The following DPP6 variants were observed in gnomAD, a reference collection of about 807,000 sequenced individuals.
The protein encoded by DPP6 is dipeptidyl peptidase like 6.
DPP6 carries 69 observed loss-of-function variants against 122.6 expected under a neutral mutation model. That is an observed-to-expected ratio of 0.56 (90% CI 0.46 to 0.69). DPP6 has a LOEUF of 0.69. Among genes scored for constraint, DPP6 ranks in the 30% least tolerant of loss-of-function variants. DPP6 has a pLI of 0.00. For synonymous variants in DPP6, 418 were observed against 433.1 expected (o/e 0.97, Z 0.43); for missense variants, 928 against 1,116.9 (o/e 0.83, Z 2.41).
the DPP6 span, among the ~76,000 whole-genome samples, chr7:153,776,033 A>C: frequency 6.6e-6 from 1 of 152,154 alleles, no homozygotes; most frequent in Non-Finnish European, 1.5e-5. Flanking sequence ...TCTGAATCAA[A>C]ATCTCAAAGT....
intron 13 of DPP6, among the ~76,000 whole-genome samples, chr7:154,802,250 A>ACATAGAAG (rs749847729): frequency 2.0e-5 from 3 of 152,164 alleles, no homozygotes; most frequent in Non-Finnish European, 4.4e-5. Context: ...TATGGCTATG[A>ACATAGAAG]CATAGAAGGC....
At chr7:154,084,915 G>A (rs1370026002) in intron 1 of DPP6, among the ~76,000 whole-genome samples, 6 of 150,600 alleles carry the variant, frequency 4.0e-5, no homozygotes, top group South Asian at 4.2e-4. Flanking sequence ...GTGTGAACCC[G>A]GGAGGCAGAG....
At chr7:154,794,271 G>A (rs1470096922) in intron 11 of DPP6, 69 bp downstream of exon 11, 8 of 1,486,914 alleles carry the variant, frequency 5.4e-6, no homozygotes, top group Admixed American at 2.1e-5. Context: ...CCGAGGTGGC[G>A]CCAGAGTCGT....
chr7:153,841,371 A>G, the DPP6 span, among the ~76,000 whole-genome samples: 1 of 152,186 alleles, frequency 6.6e-6, no homozygotes, highest in African/African-American at 2.4e-5. Context: ...GGATAATTGG[A>G]GTGCCCTTCT....
intron 5 of DPP6, among the ~76,000 whole-genome samples, chr7:154,630,849 C>A (rs2130896243): frequency 6.6e-6 from 1 of 152,228 alleles, no homozygotes; most frequent in African/African-American, 2.4e-5. Flanking sequence ...GGCTTAAAAC[C>A]TAGATGACAG....
chr7:154,658,445 G>T (rs1444686441), intron 6 of DPP6, among the ~76,000 whole-genome samples: 1 of 152,198 alleles, frequency 6.6e-6, no homozygotes, highest in African/African-American at 2.4e-5. Context: ...AAAAAAGGAG[G>T]TACAGGAGGA....
At chr7:153,771,633 C>A in the DPP6 span, among the ~76,000 whole-genome samples, 1 of 152,176 alleles carries the variant, frequency 6.6e-6, no homozygotes, top group Non-Finnish European at 1.5e-5. Context: ...AGCTACCACA[C>A]CTGGCCCCCC....
At chr7:154,620,513 GCAGAATTGCCAATTAGGATGGGAGGCT>G (rs1834572993) in intron 5 of DPP6, among the ~76,000 whole-genome samples, 1 of 152,160 alleles carries the variant, frequency 6.6e-6, no homozygotes, top group African/African-American at 2.4e-5. Flanking sequence ...TTCACTACAC[GCAGAATTGCCAATTAGGATGGGAGGCT>G]CAGAAATGAT....
chr7:154,327,208 A>G (rs1210685655), intron 1 of DPP6, among the ~76,000 whole-genome samples: 1 of 152,202 alleles, frequency 6.6e-6, no homozygotes, highest in Admixed American at 6.5e-5. Flanking sequence ...GATGGGTGGC[A>G]GGATAAAATA....
chr7:153,820,812 TAAGAAAAG>T, the DPP6 span, among the ~76,000 whole-genome samples: 1 of 151,312 alleles, frequency 6.6e-6, no homozygotes, highest in Non-Finnish European at 1.5e-5. Context: ...GAAAAATTGG[TAAGAAAAG>T]GAGAAAAGAA....
intron 1 of DPP6, among the ~76,000 whole-genome samples, chr7:154,294,454 A>C (rs1805406654): frequency 6.6e-6 from 1 of 152,176 alleles, no homozygotes; most frequent in African/African-American, 2.4e-5. Context: ...AGGCCAAATC[A>C]TATCTGTGTT....
chr7:154,203,301 G>A (rs2150790114), intron 1 of DPP6, among the ~76,000 whole-genome samples: 1 of 152,230 alleles, frequency 6.6e-6, no homozygotes, highest in East Asian at 1.9e-4. Flanking sequence ...CCATAAACCA[G>A]GCCCAAAGCC....
At chr7:154,104,420 A>G (rs1476875212) in intron 1 of DPP6, among the ~76,000 whole-genome samples, 1 of 152,122 alleles carries the variant, frequency 6.6e-6, no homozygotes, top group Non-Finnish European at 1.5e-5. Flanking sequence ...TTCCTTCAAC[A>G]CTCTGTCAAA....
At chr7:153,807,328 G>T in the DPP6 span, among the ~76,000 whole-genome samples, 4 of 151,858 alleles carry the variant, frequency 2.6e-5, no homozygotes, top group East Asian at 7.8e-4. Context: ...GCTTGAACCA[G>T]GGAGGTGGAG....
At chr7:154,880,847 G>T (rs1353371985) in intron 20 of DPP6, 41 bp from the exon 21 acceptor site, 1 of 1,613,998 alleles carries the variant, frequency 6.2e-7, no homozygotes, top group East Asian at 2.2e-5. Flanking sequence ...AGTGGCAGCA[G>T]GATGTGCACT....
At chr7:153,842,491 T>G in the DPP6 span, among the ~76,000 whole-genome samples, 1 of 152,110 alleles carries the variant, frequency 6.6e-6, no homozygotes, top group African/African-American at 2.4e-5. Flanking sequence ...GCATTCAATC[T>G]TTTCCTTTAT....
chr7:154,076,798 C>T (rs542961216), intron 1 of DPP6, among the ~76,000 whole-genome samples: 1 of 152,144 alleles, frequency 6.6e-6, no homozygotes, highest in African/African-American at 2.4e-5. Context: ...AAGGTGTACC[C>T]TCAGTCTCCA....
intron 1 of DPP6, among the ~76,000 whole-genome samples, chr7:154,213,696 A>AC (rs1162506255): frequency 6.6e-6 from 1 of 150,686 alleles, no homozygotes; most frequent in East Asian, 1.9e-4. Flanking sequence ...GAACCCCACC[A>AC]CCCCCCAACC....
chr7:154,724,564 T>A (rs1271320381), intron 7 of DPP6, among the ~76,000 whole-genome samples: 1 of 152,138 alleles, frequency 6.6e-6, no homozygotes, highest in African/African-American at 2.4e-5. Flanking sequence ...AGTGTAAACA[T>A]GTTGCCTCCT....
Sources: allele counts gnomAD v4.1 joint callset (sites outside exome capture counted in the v4.1 genomes callset), GRCh38; gene constraint gnomAD v4.1.1; transcripts MANE v1.5; gene names NCBI Gene and HGNC (gene_info 2026-07-23, HGNC 2026-07-21).